Variants in RPL31 observed in about 807,000 individuals in gnomAD.
RPL31 encodes the protein ribosomal protein L31, also known as large ribosomal subunit protein eL31.
For synonymous variants in RPL31, 51 were observed against 55.0 expected (o/e 0.93, Z 0.32); for missense variants, 95 against 164.0 (o/e 0.58, Z 2.30).
downstream of RPL31, chr2:101,007,923 GTC>G: frequency 1.9e-6 from 3 of 1,614,030 alleles, no homozygotes; most frequent in Non-Finnish European, 2.5e-6. Flanking sequence ...TGGATTTCAT[GTC>G]CAGTGGCTTT....
chr2:101,007,821 C>A (rs772951152), downstream of RPL31: 3 of 1,612,968 alleles, frequency 1.9e-6, no homozygotes, highest in African/African-American at 2.7e-5. Context: ...TGCTGTCTTG[C>A]TACAAGTTAC....
At chr2:101,012,224 C>G (rs1224407936), downstream of RPL31, among the ~76,000 whole-genome samples, 1 of 152,198 alleles carries the variant, frequency 6.6e-6, no homozygotes, top group Non-Finnish European at 1.5e-5. Context: ...CCCAAGAGAA[C>G]TGAAAGTGTT....
intron 4 of RPL31, among the ~76,000 whole-genome samples, chr2:101,016,563 C>T (rs1336182054): frequency 1.3e-5 from 2 of 152,108 alleles, no homozygotes; most frequent in Non-Finnish European, 2.9e-5. Flanking sequence ...ACCCAGCCAT[C>T]CCATTACTGG....
intron 3 of RPL31, 126 bp downstream of exon 3, chr2:101,004,409 C>G (rs1452618522): frequency 8.4e-6 from 8 of 951,366 alleles, no homozygotes; most frequent in Non-Finnish European, 3.1e-6. Flanking sequence ...AAAAAAAATA[C>G]TGTGACCGTG....
At chr2:101,017,515 C>G (rs746220994) in intron 4 of RPL31, among the ~76,000 whole-genome samples, 5 of 152,134 alleles carry the variant, frequency 3.3e-5, no homozygotes, top group African/African-American at 4.8e-5. Flanking sequence ...CGCTGTAATC[C>G]TATGGGACCA....
exon 5 of RPL31, chr2:101,019,102 AGC>A: frequency 6.4e-7 from 1 of 1,571,490 alleles, no homozygotes; most frequent in Non-Finnish European, 8.6e-7. Flanking sequence ...CCTGAGCTGC[AGC>A]AGATGCCTTT....
At chr2:101,003,004 C>T (rs1251182360) in intron 2 of RPL31, among the ~76,000 whole-genome samples, 196 bp downstream of exon 2, 1 of 152,184 alleles carries the variant, frequency 6.6e-6, no homozygotes, top group African/African-American at 2.4e-5. Flanking sequence ...GTCTTTCTGA[C>T]CGCCCCCATT....
downstream of RPL31, chr2:101,008,025 A>G: frequency 1.9e-6 from 3 of 1,613,974 alleles, no homozygotes; most frequent in Non-Finnish European, 2.5e-6. Flanking sequence ...CCGCCTCTGG[A>G]AATGCCTGGG....
Position 101,006,466 on chromosome 2 carries a change from C to G in RPL31, c.*85C>G, listed in dbSNP as rs1573837811. ...GTTGCAACATAATGTACTTGTATAC[C>G]CTATCCTAATTATGGGATCATTTGA... On this transcript the variant is annotated 3_prime_UTR_variant, in exon 5 of 5. Transcript: ENST00000264258. 7.9e-7 allele frequency: 1 copy of G among 1,267,100 alleles called. No individual in the cohort carries two copies. The highest frequency in any genetic ancestry group is 2.5e-5 in the East Asian group (1 of 40,590). 78.5% of individuals were successfully genotyped at this position (1,267,100 alleles called of 1,614,324 possible). A position where few individuals can be genotyped will look rare whatever the true frequency, so the allele number is the denominator to read the frequency against.
At chr2:101,009,516 G>A (rs908933045), downstream of RPL31, among the ~76,000 whole-genome samples, 4 of 151,766 alleles carry the variant, frequency 2.6e-5, no homozygotes, top group South Asian at 6.2e-4. Flanking sequence ...AACATGGCCC[G>A]TTTTGTTTGA....
downstream of RPL31, among the ~76,000 whole-genome samples, chr2:101,010,351 A>ACTT (rs1427033898): frequency 1.3e-5 from 2 of 152,162 alleles, no homozygotes; most frequent in East Asian, 1.9e-4. Context: ...GGCCCCAAAT[A>ACTT]CTTCTACCTC....
Position 101,006,477 on chromosome 2 carries a change from T to C in RPL31, c.*96T>C, listed in dbSNP as rs1678743316. 10 of 1,173,596 alleles carry C rather than the reference T, an allele frequency of 8.5e-6. No homozygotes were observed. The highest frequency in any genetic ancestry group is 1.2e-5 in the Non-Finnish European group (10 of 839,254). The allele number at this position is 1,173,596 out of a possible 1,614,324, so 72.7% of individuals were successfully genotyped here. On this transcript the variant is annotated 3_prime_UTR_variant, in exon 5 of 5. Transcript: ENST00000264258. ...ATGTACTTGTATACCCTATCCTAAT[T>C]ATGGGATCATTTGAAGAGCTTTTCC...
At chr2:101,016,770 T>C (rs1278273120) in intron 4 of RPL31, among the ~76,000 whole-genome samples, 1 of 152,186 alleles carries the variant, frequency 6.6e-6, no homozygotes, top group Non-Finnish European at 1.5e-5. Context: ...TCATGTCCTT[T>C]GTAGGGACAT....
chr2:101,006,680 T>C lies in RPL31; in HGVS notation c.*299T>C, dbSNP rs1046713084. ...ATAAGCATTTTTCCAGAAACCAGGA[T>C]GTAGAATCCAGTTGCCATTGACATC... is the stretch of plus-strand genomic sequence containing the variant. On this transcript the variant is annotated 3_prime_UTR_variant, in exon 5 of 5. Coordinates refer to ENST00000264258, the MANE Select transcript of RPL31 (RefSeq NM_000993.5). 2 of 330,842 alleles carry C rather than the reference T, an allele frequency of 6.0e-6. No homozygotes were observed. The highest frequency in any genetic ancestry group is 8.8e-5 in the South Asian group (1 of 11,300). 20.5% of individuals were successfully genotyped at this position (330,842 alleles called of 1,614,324 possible).
rs1193086791 is a variant in RPL31, at chr2:101,004,264, G to T, written c.214G>T (p.Val72Phe). 6.2e-7 allele frequency: 1 copy of T among 1,614,112 alleles called. No individual in the cohort carries two copies. The highest frequency in any genetic ancestry group is 8.5e-7 in the Non-Finnish European group (1 of 1,180,020). ...CATTGACACCAGGCTCAACAAAGCT[G>T]TCTGGGCCAAAGGAATAAGGTGCTA... ...VRIDTRLNKA[V>F]WAKGIRNVPY... is the part of the protein sequence containing the mutation. The change falls in exon 3 of 5, where the codon GTC (valine) becomes TTC (phenylalanine). Residue 72 changes from valine (V) to phenylalanine (F), a missense_variant. By Grantham distance (50) the Val-to-Phe change is conservative (BLOSUM62 -1). Coordinates refer to ENST00000264258, the MANE Select transcript of RPL31 (RefSeq NM_000993.5).
At chr2:101,008,639 C>A (rs557974075), downstream of RPL31, among the ~76,000 whole-genome samples, 2 of 151,980 alleles carry the variant, frequency 1.3e-5, no homozygotes, top group Non-Finnish European at 2.9e-5. Context: ...ATGGAGAAAC[C>A]CCATCTCTAC....
chr2:101,009,342 C>T (rs1573847030), downstream of RPL31, among the ~76,000 whole-genome samples: 1 of 149,942 alleles, frequency 6.7e-6, no homozygotes, highest in African/African-American at 2.5e-5. Flanking sequence ...GGAGGCGGAG[C>T]TTGCAGTGAG....
intron 3 of RPL31, 154 bp downstream of exon 3, chr2:101,004,437 T>C: frequency 1.3e-6 from 1 of 756,614 alleles, no homozygotes; most frequent in South Asian, 2.1e-5. Context: ...GTGTGTAGTA[T>C]CTGCAGGGAA....
chr2:101,011,096 T>C, downstream of RPL31: 1 of 1,464,764 alleles, frequency 6.8e-7, no homozygotes, highest in Non-Finnish European at 9.4e-7. Context: ...GGAAACTATG[T>C]AGGAGAGAGG....
Sources: allele counts gnomAD v4.1 joint callset (sites outside exome capture counted in the v4.1 genomes callset), GRCh38; gene constraint gnomAD v4.1.1; transcripts MANE v1.5; gene names NCBI Gene and HGNC (gene_info 2026-07-23, HGNC 2026-07-21).